The following GPR89A variants were observed in gnomAD, a reference collection of about 807,000 sequenced individuals.
The protein encoded by GPR89A is golgi pH regulator A.
In GPR89A, 16 loss-of-function variants were observed where a neutral mutation model predicts 52.0. The observed-to-expected ratio is 0.31, with a 90% CI of 0.21 to 0.47. The LOEUF (loss-of-function observed/expected upper bound fraction) is 0.47, where lower values mean the gene tolerates loss of function less well. GPR89A is among the 20% of genes least tolerant of loss of function. The probability of loss-of-function intolerance (pLI) is 1.00; values close to 1 mark genes in which losing one functional copy is unlikely to be tolerated. For synonymous variants in GPR89A, 55 were observed against 150.9 expected, an observed-to-expected ratio of 0.36 and a Z score of 4.66; for missense variants, 135 against 449.4, an observed-to-expected ratio of 0.30 and a Z score of 6.33.
At chr1:145,624,375 A>C (rs1649341538) in intron 5 of GPR89A, among the ~76,000 whole-genome samples, 1 of 127,570 alleles carries the variant, frequency 7.8e-6, no homozygotes, top group African/African-American at 3.2e-5. Flanking sequence ...AAAGTACCTC[A>C]GCTAACAAGT....
At chr1:145,635,959 A>C (rs1290290074) in intron 7 of GPR89A, among the ~76,000 whole-genome samples, 1 of 149,498 alleles carries the variant, frequency 6.7e-6, no homozygotes, top group Non-Finnish European at 1.5e-5. Flanking sequence ...CTCTGTCTCA[A>C]AAAAAAAAAA....
chr1:145,658,752 A>G (rs1651987406), intron 10 of GPR89A, among the ~76,000 whole-genome samples: 1 of 151,532 alleles, frequency 6.6e-6, no homozygotes. Context: ...ATTATCAATA[A>G]TGCTGATGTG....
chr1:145,623,016 C>G (rs1414706839), intron 3 of GPR89A, 38 bp from the exon 4 acceptor site: 3 of 1,598,680 alleles, frequency 1.9e-6, no homozygotes, highest in Admixed American at 1.7e-5. Flanking sequence ...TTGCTGCCCT[C>G]TCTTCCTCCC....
In GPR89A at chr1:145,623,327, T is replaced by C. The variant is rs1649267746; in HGVS notation, c.313+167T>C. On this transcript the variant is annotated intron_variant, in intron 4 of 13. Coordinates refer to ENST00000313835, the MANE Select transcript of GPR89A (RefSeq NM_001097612.2). ...AAATATAAAATAAATATTGAATGAATTGGCACAAAATAAATATTGAATGAA... is the reference window on the plus strand; with the variant it reads ...AAATATAAAATAAATATTGAATGAACTGGCACAAAATAAATATTGAATGAA... The C allele has an allele frequency of 1.1e-5, 6 of 556,682 alleles. 1 individual carries two copies. The East Asian group carries it at 1.5e-4, about 14-fold the overall frequency. The allele number at this position is 556,682 out of a possible 1,614,324, so 34.5% of individuals were successfully genotyped here. A position where few individuals can be genotyped will look rare whatever the true frequency, so the allele number is the denominator to read the frequency against.
In GPR89A at chr1:145,647,762, G is replaced by A. The variant is rs587727756; in HGVS notation, c.909+495G>A. On this transcript the variant is annotated intron_variant, in intron 10 of 13. Transcript: ENST00000313835. ...GGACGTTGCAGTGAGCTAAGATCAC[G>A]CCACTGCACTCCAGCCTGGGGAGAG... Among the ~76,000 whole-genome samples, 40 of 135,084 alleles carry A rather than the reference G, an allele frequency of 3.0e-4. 2 individuals are homozygous for A. In the South Asian group the frequency reaches 9.2e-3, roughly 31 times the overall value. 88.6% of individuals were successfully genotyped at this position (135,084 alleles called of 152,430 possible).
chr1:145,657,983 G>T (rs1242301774), intron 10 of GPR89A, among the ~76,000 whole-genome samples: 3 of 151,782 alleles, frequency 2.0e-5, no homozygotes, highest in Admixed American at 2.0e-4. Flanking sequence ...AAGCCAAAAA[G>T]AAATTCCATA....
intron 10 of GPR89A, among the ~76,000 whole-genome samples, chr1:145,658,766 A>G (rs1357133478): frequency 1.3e-5 from 2 of 151,378 alleles, no homozygotes; most frequent in East Asian, 1.9e-4. Flanking sequence ...TGATGTGAAC[A>G]TTTGTGTATA....
At chr1:145,627,514 CAG>C (rs1553689190) in intron 5 of GPR89A, among the ~76,000 whole-genome samples, 2 of 151,902 alleles carry the variant, frequency 1.3e-5, no homozygotes, top group African/African-American at 4.8e-5. Flanking sequence ...AGTAGAATAA[CAG>C]AATTTAGGTG....
intron 10 of GPR89A, among the ~76,000 whole-genome samples, chr1:145,655,226 A>G (rs782348524): frequency 4.6e-5 from 7 of 152,040 alleles, no homozygotes; most frequent in Admixed American, 6.6e-5. Context: ...GCTTCTTTGC[A>G]TTGGGTTAGA....
At chr1:145,668,320 T>A (rs1553696829) in intron 12 of GPR89A, among the ~76,000 whole-genome samples, 1 of 152,204 alleles carries the variant, frequency 6.6e-6, no homozygotes, top group Non-Finnish European at 1.5e-5. Flanking sequence ...GGTATTTTAT[T>A]CTCTTTGAAG....
At chr1:145,626,977 C>T (rs1384226036) in intron 5 of GPR89A, among the ~76,000 whole-genome samples, 1 of 150,308 alleles carries the variant, frequency 6.7e-6, no homozygotes, top group Admixed American at 6.6e-5. Context: ...TAAGACCAAT[C>T]CTTATGTAAA....
intron 7 of GPR89A, among the ~76,000 whole-genome samples, chr1:145,634,081 G>T (rs1360693338): frequency 3.4e-5 from 5 of 146,260 alleles, no homozygotes; most frequent in East Asian, 2.0e-4. Context: ...TGTCTATTGT[G>T]TTTTTTTTTT....
At chr1:145,617,939 C>T (rs1315612033) in intron 2 of GPR89A, among the ~76,000 whole-genome samples, 7 of 151,232 alleles carry the variant, frequency 4.6e-5, no homozygotes, top group Non-Finnish European at 8.9e-5. Flanking sequence ...TAAGACCTCC[C>T]GAGGAAGGTT....
intron 3 of GPR89A, among the ~76,000 whole-genome samples, chr1:145,619,303 T>TTAAA (rs1553687609): frequency 2.1e-4 from 4 of 18,650 alleles, no homozygotes; most frequent in Admixed American, 9.8e-4. Context: ...ATTGAAAGGT[T>TTAAA]AAAAAAAAAA....
In GPR89A at chr1:145,629,400, A is replaced by G. The variant is rs191335816; in HGVS notation, c.416-1287A>G. ...TGAAGGTAGTTTATGGCTAATAGCT[A>G]TGTCTTTTATAATAAGGACATTGGC... On this transcript the variant is annotated intron_variant, in intron 5 of 13. Coordinates refer to ENST00000313835, the MANE Select transcript of GPR89A (RefSeq NM_001097612.2). Among the ~76,000 whole-genome samples, 42 of 152,112 alleles carry G rather than the reference A, an allele frequency of 2.8e-4. 1 individual carries two copies. Among genetic ancestry groups the G allele is most frequent in the Admixed American group, 1.9e-3 (29 of 15,298 alleles).
intron 10 of GPR89A, among the ~76,000 whole-genome samples, chr1:145,647,899 A>G (rs1651161141): frequency 7.4e-6 from 1 of 135,414 alleles, no homozygotes. Flanking sequence ...ATATATATAT[A>G]TATATATATA....
rs782681781 is a variant in GPR89A, at chr1:145,663,222, T to G, written c.910-107T>G. 7.2e-5 allele frequency: 114 copies of G among 1,587,168 alleles called. 1 individual carries two copies. The highest frequency in any genetic ancestry group is 2.3e-4 in the Middle Eastern group (1 of 4,354). ...GAGTAGAATTGCATTTTTAGGAACA[T>G]TGACCTGTAAGATATGTTACAGTGA... is the stretch of plus-strand genomic sequence containing the variant. On this transcript the variant is annotated intron_variant, in intron 10 of 13. Transcript: ENST00000313835.
intron 5 of GPR89A, among the ~76,000 whole-genome samples, chr1:145,629,319 G>T (rs1445139332): frequency 2.6e-5 from 4 of 152,158 alleles, no homozygotes; most frequent in African/African-American, 9.7e-5. Context: ...ATAAAACAAA[G>T]ATTGGAAAAT....
At chr1:145,610,335 A>G (rs1238190478) in intron 1 of GPR89A, among the ~76,000 whole-genome samples, 1 of 152,136 alleles carries the variant, frequency 6.6e-6, no homozygotes, top group African/African-American at 2.4e-5. Context: ...AAACTCCTTT[A>G]CATGGCTTTT....
Sources: gnomAD v4.1 joint callset for allele counts (sites outside exome capture counted in the v4.1 genomes callset) on GRCh38, gnomAD v4.1.1 for gene constraint, MANE v1.5 for transcripts, NCBI Gene and HGNC (gene_info 2026-07-23, HGNC 2026-07-21) for gene names.